HDAC8: variants seen among roughly 807,000 people sequenced by gnomAD.
HDAC8 encodes the protein histone deacetylase 8, also known as histone deacetylase-like 1.
Under a neutral mutation model 32.2 loss-of-function variants are expected in HDAC8, and 1 was observed. That is an observed-to-expected ratio of 0.03 (90% CI 0.01 to 0.15). The LOEUF (loss-of-function observed/expected upper bound fraction) is 0.15, where lower values mean the gene tolerates loss of function less well. Among genes scored for constraint, HDAC8 ranks in the 10% least tolerant of loss-of-function variants. The pLI, the probability that HDAC8 is intolerant of heterozygous loss-of-function variation, is 1.00. For synonymous variants in HDAC8, 108 were observed against 113.9 expected (o/e 0.95, Z 0.33); for missense variants, 117 against 300.0 (o/e 0.39, Z 4.51).
At chrX:72,448,303 T>C (rs2047472471) in intron 9 of HDAC8, among the ~76,000 whole-genome samples, 1 of 111,789 alleles carries the variant, frequency 8.9e-6, no homozygotes. Flanking sequence ...CCTCTGATTT[T>C]TGACAAACCT....
In HDAC8 at chrX:72,571,743, A is replaced by G. The variant is rs370364247; in HGVS notation, c.164+314T>C. On this transcript the variant is annotated intron_variant, in intron 2 of 10. Coordinates refer to ENST00000373573, the MANE Select transcript of HDAC8 (RefSeq NM_018486.3). ...TACCACGTCCGGCTAATTTTTTTGT[A>G]TTTTTAGTAGAGACGGGGTTTTGCC... Among the ~76,000 whole-genome samples the G allele has an allele frequency of 2.8e-5, 3 of 107,190 alleles. No homozygotes were observed. In the East Asian group the frequency reaches 8.7e-4, roughly 31 times the overall value. 93.1% of individuals were successfully genotyped at this position (107,190 alleles called of 115,157 possible). A position where few individuals can be genotyped will look rare whatever the true frequency, so the allele number is the denominator to read the frequency against.
intron 9 of HDAC8, among the ~76,000 whole-genome samples, chrX:72,437,133 G>A (rs1555979518): frequency 9.0e-6 from 1 of 111,294 alleles, no homozygotes. Flanking sequence ...TTCCAACTGA[G>A]GTACCTGGCT....
chrX:72,467,810 G>A (rs1238568649), intron 7 of HDAC8: 13 of 585,485 alleles, frequency 2.2e-5, no homozygotes, highest in Non-Finnish European at 2.8e-5. Flanking sequence ...GGAAGAGATA[G>A]ATTTGGGAGA....
chrX:72,461,950 A>G, intron 9 of HDAC8, 54 bp downstream of exon 9: 1 of 928,690 alleles, frequency 1.1e-6, no homozygotes. Context: ...GATTAGGTGG[A>G]ATGACTCAGC....
At chrX:72,404,802 T>C (rs1483420708) in intron 9 of HDAC8, among the ~76,000 whole-genome samples, 6 of 110,802 alleles carry the variant, frequency 5.4e-5, no homozygotes, top group Non-Finnish European at 1.1e-4. Context: ...TTCGTCTTTG[T>C]CTTTGTTGTT....
chrX:72,443,545 G>A (rs1302272750), intron 9 of HDAC8, among the ~76,000 whole-genome samples: 1 of 111,836 alleles, frequency 8.9e-6, no homozygotes. Context: ...AGTGTGTAGA[G>A]GGAAATTTAT....
intron 4 of HDAC8, among the ~76,000 whole-genome samples, chrX:72,525,768 C>T (rs1055562643): frequency 3.3e-5 from 3 of 89,908 alleles, no homozygotes; most frequent in Admixed American, 2.7e-4. Flanking sequence ...GAGCCGAGAT[C>T]GCGCCACTGC....
At chrX:72,376,025 A>G (rs956990584) in intron 9 of HDAC8, among the ~76,000 whole-genome samples, 6 of 111,136 alleles carry the variant, frequency 5.4e-5, no homozygotes, top group African/African-American at 2.0e-4. Flanking sequence ...TATTTTCATT[A>G]CATCTAGGTT....
At chrX:72,337,991 G>A (rs1358626169) in intron 10 of HDAC8, among the ~76,000 whole-genome samples, 8 of 111,567 alleles carry the variant, frequency 7.2e-5, no homozygotes, top group East Asian at 2.8e-4. Context: ...ACCTTGAGTC[G>A]ACGAGTCTCA....
chrX:72,541,154 CTT>C (rs34624149), intron 4 of HDAC8, among the ~76,000 whole-genome samples: 4 of 98,458 alleles, frequency 4.1e-5, no homozygotes, highest in African/African-American at 1.5e-4. Context: ...TGACAGGAGG[CTT>C]TTTTTTTTTT....
intron 9 of HDAC8, among the ~76,000 whole-genome samples, chrX:72,426,754 T>G (rs782227556): frequency 9.0e-6 from 1 of 110,501 alleles, no homozygotes; most frequent in South Asian, 3.9e-4. Context: ...TCTACTAGAC[T>G]GAACTGTGTT....
At chrX:72,442,771 G>T (rs1397155756) in intron 9 of HDAC8, among the ~76,000 whole-genome samples, 3 of 111,962 alleles carry the variant, frequency 2.7e-5, no homozygotes, top group Non-Finnish European at 5.6e-5. Context: ...ACCCATCAGT[G>T]TGCTGTATTC....
At chrX:72,453,504 G>GAAAGAAAGAAAGAAAGA (rs2047640497) in intron 9 of HDAC8, among the ~76,000 whole-genome samples, 2 of 108,157 alleles carry the variant, frequency 1.8e-5, no homozygotes, top group African/African-American at 6.8e-5. Flanking sequence ...AAGAAAGAAA[G>GAAAGAAAGAAAGAAAGA]AAAGAAAGAA....
intron 4 of HDAC8, among the ~76,000 whole-genome samples, chrX:72,540,264 C>T (rs1290603624): frequency 8.9e-6 from 1 of 112,295 alleles, no homozygotes; most frequent in Non-Finnish European, 1.9e-5. Flanking sequence ...TGTTAATTAG[C>T]AAAACAAATT....
intron 7 of HDAC8, among the ~76,000 whole-genome samples, chrX:72,468,275 G>C (rs183502422): frequency 9.0e-6 from 1 of 111,348 alleles, no homozygotes; most frequent in Non-Finnish European, 1.9e-5. Context: ...TCAACGTGAC[G>C]AAGTCAACCC....
intron 7 of HDAC8, among the ~76,000 whole-genome samples, chrX:72,469,451 C>T (rs2048108839): frequency 8.9e-6 from 1 of 112,700 alleles, no homozygotes; most frequent in Admixed American, 9.3e-5. Flanking sequence ...AGCCATCATG[C>T]CCAGCTCAGC....
chrX:72,435,303 G>A (rs782650721), intron 9 of HDAC8, among the ~76,000 whole-genome samples: 22 of 111,852 alleles, frequency 2.0e-4, no homozygotes, highest in East Asian at 5.6e-4. Flanking sequence ...AGCCTGAAGC[G>A]TAAGAGCACA....
At chrX:72,541,594 C>T (rs917864277) in intron 4 of HDAC8, among the ~76,000 whole-genome samples, 5 of 111,736 alleles carry the variant, frequency 4.5e-5, no homozygotes, top group South Asian at 3.8e-4. Flanking sequence ...GAAGCAGGAA[C>T]GCTAGCTGGG....
chrX:72,490,326 C>T lies in HDAC8; in HGVS notation c.628+603G>A, dbSNP rs190199634. On this transcript the variant is annotated intron_variant, in intron 6 of 10. Transcript: ENST00000373573. ...TACGTATGTTTATTGCAGCACTATT[C>T]ACAATAGCAAAGACTTGGAACCAAC... is the stretch of plus-strand genomic sequence containing the variant. Among the ~76,000 whole-genome samples, 434 of 109,629 alleles carry T rather than the reference C, an allele frequency of 4.0e-3. 2 individuals carry two copies. Among genetic ancestry groups the T allele is most frequent in the African/African-American group, 0.014 (410 of 30,094 alleles).
Sources: allele counts gnomAD v4.1 joint callset (sites outside exome capture counted in the v4.1 genomes callset), GRCh38; gene constraint gnomAD v4.1.1; transcripts MANE v1.5; gene names NCBI Gene and HGNC (gene_info 2026-07-23, HGNC 2026-07-21).